RSBN1L: variants seen among roughly 807,000 people sequenced by gnomAD.
The protein encoded by RSBN1L is round spermatid basic protein 1 like.
In RSBN1L, 30 loss-of-function variants were observed where a neutral mutation model predicts 67.7. The ratio of observed to expected loss-of-function variants is 0.44; its 90% CI spans 0.33 to 0.60. The LOEUF (loss-of-function observed/expected upper bound fraction) is 0.60. RSBN1L is among the 20% of genes least tolerant of loss of function. The pLI is 0.02. For synonymous variants in RSBN1L, 433 were observed against 387.0 expected, an observed-to-expected ratio of 1.12 and a Z score of -1.39; for missense variants, 992 against 1,031.7, an observed-to-expected ratio of 0.96 and a Z score of 0.53.
chr7:77,771,263 G>T (rs571658797), intron 5 of RSBN1L, among the ~76,000 whole-genome samples: 1 of 151,996 alleles, frequency 6.6e-6, no homozygotes, highest in Non-Finnish European at 1.5e-5. Flanking sequence ...ACCTAAAGAC[G>T]GTTTTAGCTG....
chr7:77,726,338 T>G (rs570528041), intron 1 of RSBN1L, among the ~76,000 whole-genome samples: 1 of 152,304 alleles, frequency 6.6e-6, no homozygotes, highest in African/African-American at 2.4e-5. Context: ...TAGATTCCTT[T>G]TGGCTGAGAC....
At chr7:77,773,902 A>G (rs1245667220) in intron 6 of RSBN1L, among the ~76,000 whole-genome samples, 1 of 152,258 alleles carries the variant, frequency 6.6e-6, no homozygotes, top group Non-Finnish European at 1.5e-5. Flanking sequence ...TGCATACTGT[A>G]TGCCTGTTTA....
At chr7:77,726,008 A>G (rs1454004528) in intron 1 of RSBN1L, among the ~76,000 whole-genome samples, 1 of 152,110 alleles carries the variant, frequency 6.6e-6, no homozygotes, top group Non-Finnish European at 1.5e-5. Context: ...TTAAATTTAT[A>G]TACACATACA....
In RSBN1L at chr7:77,734,061, G is replaced by T. The variant is rs569263032; in HGVS notation, c.587-2349G>T. ...GAATTGCTTCAACCCGGGAGGTGGA[G>T]GTTGCAGGAAGCTGAGATCGTGCCA... On this transcript the variant is annotated intron_variant, in intron 1 of 7. Transcript: ENST00000334955. Among the ~76,000 whole-genome samples the T allele has an allele frequency of 9.8e-5, 15 of 152,322 alleles. 1 individual carries two copies. The South Asian group carries it at 3.1e-3, about 32-fold the overall frequency.
At chr7:77,701,056 G>A (rs1790809358) in intron 1 of RSBN1L, among the ~76,000 whole-genome samples, 1 of 151,442 alleles carries the variant, frequency 6.6e-6, no homozygotes, top group African/African-American at 2.4e-5. Context: ...TACCTGGGAG[G>A]CTGAGGCATC....
chr7:77,768,840 T>C lies in RSBN1L; in HGVS notation c.1625+37T>C. ...ACACATTTTTATTGGAGGGGATGAGTGTTTGTATGTTGGGGTGTGTATGTT... is the reference window on the plus strand; with the variant it reads ...ACACATTTTTATTGGAGGGGATGAGCGTTTGTATGTTGGGGTGTGTATGTT... On this transcript the variant is annotated intron_variant, in intron 5 of 7. Coordinates refer to ENST00000334955, the MANE Select transcript of RSBN1L (RefSeq NM_198467.3). 3 of 1,593,378 alleles carry C rather than the reference T, an allele frequency of 1.9e-6. No individual in the cohort carries two copies. In the South Asian group the frequency reaches 3.3e-5, roughly 18 times the overall value.
At chr7:77,720,794 C>G (rs1791107397) in intron 1 of RSBN1L, among the ~76,000 whole-genome samples, 1 of 113,420 alleles carries the variant, frequency 8.8e-6, no homozygotes, top group African/African-American at 3.6e-5. Context: ...GAGACAGAGT[C>G]TCACTCTGTC....
At chr7:77,712,317 C>T (rs1189374911) in intron 1 of RSBN1L, among the ~76,000 whole-genome samples, 1 of 149,698 alleles carries the variant, frequency 6.7e-6, no homozygotes, top group Non-Finnish European at 1.5e-5. Flanking sequence ...GAGTTTCGCT[C>T]TGTTATCCAG....
rs139186507 is a variant in RSBN1L at position 77,702,417 on chromosome 7, A to G, written c.586+5362A>G. Among the ~76,000 whole-genome samples, 139 of 151,768 alleles carry G rather than the reference A, an allele frequency of 9.2e-4. 2 individuals carry two copies. The highest frequency in any genetic ancestry group is 3.0e-3 in the African/African-American group (123 of 41,358). ...TTTGAGGTGTTCTTCTGTTCTCCCT[A>G]TTATTTTTGGTTTTTCTTACTTATT... On this transcript the variant is annotated intron_variant, in intron 1 of 7. Transcript: ENST00000334955.
intron 2 of RSBN1L, 56 bp from the exon 3 acceptor site, chr7:77,749,368 G>A: frequency 7.7e-7 from 1 of 1,302,044 alleles, no homozygotes; most frequent in Non-Finnish European, 1.0e-6. Context: ...TGTTCCTAAA[G>A]CATGGTTTTT....
At chr7:77,738,102 AT>A (rs1791360617) in intron 2 of RSBN1L, among the ~76,000 whole-genome samples, 1 of 150,374 alleles carries the variant, frequency 6.7e-6, no homozygotes, top group African/African-American at 2.4e-5. Context: ...TTTTTTTCTG[AT>A]TTAATCAAAT....
At chr7:77,775,583 G>A (rs1791903132) in intron 6 of RSBN1L, among the ~76,000 whole-genome samples, 2 of 152,140 alleles carry the variant, frequency 1.3e-5, no homozygotes. Flanking sequence ...TTATCAAGAA[G>A]TGTTGTTTAG....
Position 77,696,998 on chromosome 7 carries a change from C to T in RSBN1L, c.529C>T (p.Arg177Ter). The T allele has an allele frequency of 6.5e-7, 1 of 1,536,198 alleles. No homozygotes were observed. Among genetic ancestry groups the T allele is most frequent in the Non-Finnish European group, 8.7e-7 (1 of 1,148,004 alleles). Reference sequence around the variant, plus strand: ...GAGGAGGCACGGTCTCGGTGGGGCCCGAGAGGCCGGCGGGGCCTCCCGGGA... The same window carrying T: ...GAGGAGGCACGGTCTCGGTGGGGCCTGAGAGGCCGGCGGGGCCTCCCGGGA... ...ERRRHGLGGA[R>*]EAGGASREEN... The change falls in exon 1 of 8, where the codon CGA (arginine) becomes TGA (stop). Residue 177 changes from arginine to a stop codon, truncating the protein, a stop_gained. Coordinates refer to ENST00000334955, the MANE Select transcript of RSBN1L (RefSeq NM_198467.3). LOFTEE classifies it high-confidence loss of function.
chr7:77,731,961 A>G (rs373729103), intron 1 of RSBN1L, among the ~76,000 whole-genome samples: 2 of 151,824 alleles, frequency 1.3e-5, no homozygotes, highest in East Asian at 1.9e-4. Context: ...TGGACTCCCT[A>G]TTTTGTTCCA....
intron 1 of RSBN1L, among the ~76,000 whole-genome samples, chr7:77,716,456 C>CT (rs371514466): frequency 0.57 from 79,376 of 140,204 alleles, 23,795 homozygotes; most frequent in African/African-American, 0.79. Flanking sequence ...TGTCTGGCTC[C>CT]TTTTTTTTTT....
chr7:77,701,183 CAACAACA>C (rs1562791798), intron 1 of RSBN1L, among the ~76,000 whole-genome samples: 3 of 132,856 alleles, frequency 2.3e-5, no homozygotes, highest in Non-Finnish European at 3.3e-5. Context: ...ACAACAACAA[CAACAACA>C]AAAAAAAACG....
chr7:77,708,717 G>T (rs1584274850), intron 1 of RSBN1L, among the ~76,000 whole-genome samples: 2 of 151,930 alleles, frequency 1.3e-5, no homozygotes, highest in East Asian at 3.9e-4. Flanking sequence ...AGCAAGACAT[G>T]GTTTTTTAGG....
intron 1 of RSBN1L, among the ~76,000 whole-genome samples, chr7:77,733,368 C>T (rs566497536): frequency 7.3e-4 from 111 of 152,236 alleles, no homozygotes; most frequent in African/African-American, 2.5e-3. Flanking sequence ...ACTGCAATTA[C>T]GTTGTCTATA....
intron 7 of RSBN1L, 38 bp from the exon 8 acceptor site, chr7:77,778,492 A>G: frequency 6.3e-7 from 1 of 1,596,658 alleles, no homozygotes; most frequent in Non-Finnish European, 8.5e-7. Flanking sequence ...TTTATTATGA[A>G]GAGAGTTATT....
Sources: gnomAD v4.1 joint callset for allele counts (sites outside exome capture counted in the v4.1 genomes callset) on GRCh38, gnomAD v4.1.1 for gene constraint, MANE v1.5 for transcripts, NCBI Gene and HGNC (gene_info 2026-07-23, HGNC 2026-07-21) for gene names.